Variants in AGAP5 observed in about 807,000 individuals in gnomAD.
The protein encoded by AGAP5 is arf-GAP with GTPase, ANK repeat and PH domain-containing protein 5.
AGAP5 carries 8 observed loss-of-function variants against 27.7 expected under a neutral mutation model. The ratio of observed to expected loss-of-function variants is 0.29; its 90% CI spans 0.17 to 0.52. The LOEUF is 0.52. Ranked by LOEUF, AGAP5 falls within the 20% of genes least tolerant of loss-of-function variation. The pLI is 0.97. For missense variants in AGAP5, 285 were observed against 880.8 expected, an observed-to-expected ratio of 0.32 and a Z score of 8.56; for synonymous variants, 111 against 338.0, an observed-to-expected ratio of 0.33 and a Z score of 7.37.
In AGAP5 at chr10:73,694,765, G is replaced by A; in HGVS notation, c.332C>T (p.Thr111Ile). ...TGTTTGAGAGTTCCTCTGGAATATT[G>A]TGCTTGCCTCTGGATTGGCAGAAGG... ...FNPSANPEAS[T>I]IFQRNSQTDV... The change falls in exon 3 of 8, where the codon ACA becomes ATA. Residue 111 changes from threonine (T) to isoleucine (I), a missense_variant. Transcript: ENST00000374094. 1 of 1,598,058 alleles carries A rather than the reference G, an allele frequency of 6.3e-7. No individual in the cohort carries two copies. Among genetic ancestry groups the A allele is most frequent in the Non-Finnish European group, 8.5e-7 (1 of 1,179,638 alleles).
At chr10:73,690,829 A>C (rs2082111493) in intron 4 of AGAP5, among the ~76,000 whole-genome samples, 1 of 152,176 alleles carries the variant, frequency 6.6e-6, no homozygotes, top group Non-Finnish European at 1.5e-5. Flanking sequence ...GAGATCCCAA[A>C]AGACTTTAAG....
At position 73,697,877 on chromosome 10, in the gene AGAP5, C is replaced by T. The variant is rs182403744; in HGVS notation, c.-122G>A. 127 of 1,543,800 alleles carry T rather than the reference C, an allele frequency of 8.2e-5. No individual in the cohort carries two copies. In the African/African-American group the frequency reaches 1.5e-3, roughly 19 times the overall value. On this transcript the variant is annotated 5_prime_UTR_variant, in exon 1 of 8. Transcript: ENST00000374094. ...AGATGGTCTTCCCGCTCCTCGCCTG[C>T]CCACCTCACAGCGCGGCCCCGGGCA...
intron 4 of AGAP5, among the ~76,000 whole-genome samples, chr10:73,690,490 C>G (rs1404481732): frequency 2.0e-5 from 3 of 151,986 alleles, no homozygotes; most frequent in Admixed American, 6.6e-5. Context: ...GCAGGGTCCT[C>G]TGCCTAGGAA....
chr10:73,674,964 A>G lies in AGAP5; in HGVS notation c.1696T>C (p.Trp566Arg). ...VKSTREEKER[W>R]IRSKYEEKLF... Reference sequence around the variant, plus strand: ...TTCTCCTCATATTTGGAACGGATCCACCGTTCCTTCTCTTCCCTCGTGGAC... The same window carrying G: ...TTCTCCTCATATTTGGAACGGATCCGCCGTTCCTTCTCTTCCCTCGTGGAC... Residue 566 changes from tryptophan to arginine, a missense_variant, in exon 8 of 8, where the codon TGG (tryptophan) becomes CGG (arginine). Transcript: ENST00000374094. The G allele has an allele frequency of 6.2e-7, 1 of 1,612,976 alleles. No homozygotes were observed. Among genetic ancestry groups the G allele is most frequent in the South Asian group, 1.1e-5 (1 of 91,020 alleles).
rs533185923 is a variant in AGAP5, at chr10:73,697,654, T to C, written c.102A>G (p.Ala34=). The C allele has an allele frequency of 1.2e-6, 2 of 1,602,850 alleles. No individual in the cohort carries two copies. Among genetic ancestry groups the C allele is most frequent in the African/African-American group, 1.3e-5 (1 of 75,006 alleles). ...CTCCTGCCATCCTGTCCCCAGCTCCTGCCTCATAGATCTCAGATTCAGAGG... is the reference window on the plus strand; with the variant it reads ...CTCCTGCCATCCTGTCCCCAGCTCCCGCCTCATAGATCTCAGATTCAGAGG... The part of the protein sequence containing the change: ...VCPSESEIYE[A]GAGDRMAGAP... The change falls in exon 1 of 8, where the codon GCA becomes GCG. Residue 34 remains alanine, a synonymous_variant. Coordinates refer to ENST00000374094, the MANE Select transcript of AGAP5 (RefSeq NM_001144000.4).
At chr10:73,689,147 T>C (rs1034820575) in intron 4 of AGAP5, among the ~76,000 whole-genome samples, 1 of 152,386 alleles carries the variant, frequency 6.6e-6, no homozygotes, top group South Asian at 2.1e-4. Flanking sequence ...CCGCCACGCC[T>C]GACTGGTGTT....
intron 5 of AGAP5, among the ~76,000 whole-genome samples, chr10:73,680,567 G>A (rs1229592919): frequency 1.4e-5 from 1 of 73,550 alleles, no homozygotes; most frequent in East Asian, 2.9e-4. Context: ...ACAAGTTTGC[G>A]CCACTATGCC....
chr10:73,697,286 A>G (rs1217686568), intron 1 of AGAP5, 123 bp from the exon 2 acceptor site: 2 of 1,483,178 alleles, frequency 1.3e-6, no homozygotes, highest in Admixed American at 4.1e-5. Context: ...CCAGCCTGGG[A>G]GAATGAGATG....
At position 73,697,778 on chromosome 10, in the gene AGAP5, C is replaced by T; in HGVS notation, c.-23G>A. ...CATGGGGCGCCTCTACTGTCTGCCA[C>T]CACCTGTGCCTCTGCTCACAGCTTT... On this transcript the variant is annotated 5_prime_UTR_variant, in exon 1 of 8. The change creates a new upstream start codon in the 5' untranslated region. Transcript: ENST00000374094. 1 of 1,597,236 alleles carries T rather than the reference C, an allele frequency of 6.3e-7. No individual in the cohort carries two copies. The highest frequency in any genetic ancestry group is 2.2e-4 in the Middle Eastern group (1 of 4,456).
chr10:73,690,421 A>G (rs1042633700), intron 4 of AGAP5, among the ~76,000 whole-genome samples: 22 of 152,088 alleles, frequency 1.4e-4, no homozygotes, highest in Non-Finnish European at 2.9e-4. Flanking sequence ...CATGCTCCTT[A>G]AGAGTCATCA....
chr10:73,683,685 TCTC>T (rs1173803915), intron 4 of AGAP5, among the ~76,000 whole-genome samples: 5 of 38,904 alleles, frequency 1.3e-4, no homozygotes, highest in Admixed American at 1.1e-3. Context: ...ATGGCCTCGA[TCTC>T]CTCACCTCGC....
At position 73,687,825 on chromosome 10, in the gene AGAP5, G is replaced by A. The variant is rs1023984008; in HGVS notation, c.396+4218C>T. Among the ~76,000 whole-genome samples, 26 of 152,146 alleles carry A rather than the reference G, an allele frequency of 1.7e-4. 1 individual carries two copies. Among genetic ancestry groups the A allele is most frequent in the African/African-American group, 1.9e-4 (8 of 41,422 alleles). ...ACACCCATGACCAGCACAGAAGGTTGACAGAGATAATTTTTAATAAATGCT... is the reference window on the plus strand; with the variant it reads ...ACACCCATGACCAGCACAGAAGGTTAACAGAGATAATTTTTAATAAATGCT... On this transcript the variant is annotated intron_variant, in intron 4 of 7. Transcript: ENST00000374094.
rs1362038906 is a variant in AGAP5, at chr10:73,674,497, A to G, written c.*102T>C. 2.5e-6 allele frequency: 4 copies of G among 1,591,460 alleles called. No individual in the cohort carries two copies. Among genetic ancestry groups the G allele is most frequent in the Non-Finnish European group, 3.4e-6 (4 of 1,166,848 alleles). On this transcript the variant is annotated 3_prime_UTR_variant, in exon 8 of 8. Coordinates refer to ENST00000374094, the MANE Select transcript of AGAP5 (RefSeq NM_001144000.4). ...GTTTATGAAAAGTACTGAAAATGCT[A>G]TTACTAGCTGAATTTGTGATTTCCT...
rs569548275 is a variant in AGAP5, at chr10:73,697,871, C to T, written c.-116G>A. The T allele has an allele frequency of 2.0e-5, 31 of 1,545,892 alleles. No individual in the cohort carries two copies. Among genetic ancestry groups the T allele is most frequent in the Middle Eastern group, 2.3e-4 (1 of 4,374 alleles). On this transcript the variant is annotated 5_prime_UTR_variant, in exon 1 of 8. Transcript: ENST00000374094. The stretch of plus-strand genomic sequence containing the variant: ...TTGCAGAGATGGTCTTCCCGCTCCT[C>T]GCCTGCCCACCTCACAGCGCGGCCC...
At chr10:73,688,934 T>C (rs2082087243) in intron 4 of AGAP5, among the ~76,000 whole-genome samples, 1 of 151,960 alleles carries the variant, frequency 6.6e-6, no homozygotes, top group African/African-American at 2.4e-5. Context: ...TGCCTCTGCC[T>C]CTGCCTCCTC....
chr10:73,691,410 A>G (rs2082117625), intron 4 of AGAP5, among the ~76,000 whole-genome samples: 1 of 152,164 alleles, frequency 6.6e-6, no homozygotes, highest in Non-Finnish European at 1.5e-5. Flanking sequence ...CTGTGATAGA[A>G]AGTCAATAGA....
chr10:73,688,676 G>A (rs1354346135), intron 4 of AGAP5, among the ~76,000 whole-genome samples: 2 of 151,952 alleles, frequency 1.3e-5, no homozygotes, highest in African/African-American at 4.8e-5. Flanking sequence ...AAGCAGCCTA[G>A]CATCTGAATA....
chr10:73,678,191 C>T (rs1482343359), intron 6 of AGAP5, among the ~76,000 whole-genome samples: 1 of 152,080 alleles, frequency 6.6e-6, no homozygotes. Flanking sequence ...TTCAGGAGTT[C>T]GGGACCAGCC....
In AGAP5 at chr10:73,696,692, C is replaced by A. The variant is rs1003015082; in HGVS notation, c.292+403G>T. Among the ~76,000 whole-genome samples, 10 of 152,220 alleles carry A rather than the reference C, an allele frequency of 6.6e-5. 1 individual carries two copies. The highest frequency in any genetic ancestry group is 4.4e-5 in the Non-Finnish European group (3 of 68,042). On this transcript the variant is annotated intron_variant, in intron 2 of 7. Transcript: ENST00000374094. Reference sequence around the variant, plus strand: ...CAGCCCCGGCTGTGACATTTCACACCTTTCACAATTATTTTAAGCACTCTT... The same window carrying A: ...CAGCCCCGGCTGTGACATTTCACACATTTCACAATTATTTTAAGCACTCTT...
Sources: allele counts gnomAD v4.1 joint callset (sites outside exome capture counted in the v4.1 genomes callset), GRCh38; gene constraint gnomAD v4.1.1; transcripts MANE v1.5; gene names NCBI Gene and HGNC (gene_info 2026-07-23, HGNC 2026-07-21).